ISY1: variants seen among roughly 807,000 people sequenced by gnomAD.
ISY1 encodes the protein ISY1 spliceosome associated protein.
Under a neutral mutation model 54.4 loss-of-function variants are expected in ISY1, and 12 were observed. The ratio of observed to expected loss-of-function variants is 0.22; its 90% CI spans 0.14 to 0.36. ISY1 has a LOEUF of 0.36. Ranked by LOEUF, ISY1 falls within the 10% of genes least tolerant of loss-of-function variation. The pLI, the probability that ISY1 is intolerant of heterozygous loss-of-function variation, is 1.00. For synonymous variants in ISY1, 96 were observed against 117.9 expected, an observed-to-expected ratio of 0.81 and a Z score of 1.20; for missense variants, 282 against 342.2, an observed-to-expected ratio of 0.82 and a Z score of 1.39.
chr3:129,158,224 G>A (rs777608272), intron 3 of ISY1, among the ~76,000 whole-genome samples: 72 of 149,852 alleles, frequency 4.8e-4, no homozygotes, highest in Non-Finnish European at 9.3e-4. Flanking sequence ...CATGATCATG[G>A]CTCCCTGCAG....
Position 129,145,770 on chromosome 3 carries a change from A to G in ISY1, c.291T>C (p.Pro97=). The G allele has an allele frequency of 6.2e-7, 1 of 1,614,086 alleles. No homozygotes were observed. Among genetic ancestry groups the G allele is most frequent in the Non-Finnish European group, 8.5e-7 (1 of 1,179,964 alleles). Residue 97 remains proline, a synonymous_variant, in exon 6 of 11, where the codon CCT becomes CCC. Transcript: ENST00000393295. Reference sequence around the variant, plus strand: ...GCTGCCATGTACTCACTCCATAATCAGGACCTCCCAGCTCCTTTATCCGGA... The same window carrying G: ...GCTGCCATGTACTCACTCCATAATCGGGACCTCCCAGCTCCTTTATCCGGA... ...WEVRIKELGG[P]DYGKVGPKML...
intron 5 of ISY1, among the ~76,000 whole-genome samples, chr3:129,148,890 T>C (rs1936851142): frequency 6.6e-6 from 1 of 152,214 alleles, no homozygotes; most frequent in South Asian, 2.1e-4. Flanking sequence ...TTTGGTAAAG[T>C]ATCTGTTCAA....
At chr3:129,141,485 T>C (rs908329445) in intron 6 of ISY1, among the ~76,000 whole-genome samples, 1 of 150,774 alleles carries the variant, frequency 6.6e-6, no homozygotes, top group South Asian at 2.1e-4. Flanking sequence ...CCGGGCGCAG[T>C]GGCTCACGCC....
chr3:129,146,485 T>C (rs1397795172), intron 5 of ISY1, among the ~76,000 whole-genome samples: 1 of 152,070 alleles, frequency 6.6e-6, no homozygotes, highest in Non-Finnish European at 1.5e-5. Flanking sequence ...ATATAACTTT[T>C]GAAAGGGACA....
intron 9 of ISY1, among the ~76,000 whole-genome samples, chr3:129,131,682 T>C (rs959832158): frequency 6.6e-6 from 1 of 152,200 alleles, no homozygotes; most frequent in Non-Finnish European, 1.5e-5. Context: ...GGCAAGGGCA[T>C]CATGTTAAGT....
At chr3:129,135,229 C>T (rs1936356125) in intron 7 of ISY1, among the ~76,000 whole-genome samples, 1 of 151,996 alleles carries the variant, frequency 6.6e-6, no homozygotes, top group African/African-American at 2.4e-5. Context: ...CACCTGTAAT[C>T]CCAGCTACTC....
intron 5 of ISY1, among the ~76,000 whole-genome samples, chr3:129,153,974 G>A (rs907363983): frequency 6.6e-6 from 1 of 151,978 alleles, no homozygotes; most frequent in Non-Finnish European, 1.5e-5. Context: ...TGGGCGCCAT[G>A]GCTCACGCCT....
At chr3:129,151,126 A>AAATATATATATATATAAAAATATAT (rs1936954481) in intron 5 of ISY1, among the ~76,000 whole-genome samples, 1 of 148,090 alleles carries the variant, frequency 6.8e-6, no homozygotes. Flanking sequence ...TGTCTCAAAA[A>AAATATATATATATATAAAAATATAT]AAAATATATA....
rs578131844 is a variant in ISY1, at chr3:129,160,467, T to G, written c.3+506A>C. ...GAACACTTTCTGTCTATGCCATTCATTTATTCAATAGTTATTGAACATCTG... is the reference window on the plus strand; with the variant it reads ...GAACACTTTCTGTCTATGCCATTCAGTTATTCAATAGTTATTGAACATCTG... On this transcript the variant is annotated intron_variant, in intron 1 of 10. Coordinates refer to ENST00000393295, the MANE Select transcript of ISY1 (RefSeq NM_020701.4). Among the ~76,000 whole-genome samples, 16 of 151,982 alleles carry G rather than the reference T, an allele frequency of 1.1e-4. 1 individual carries two copies. The South Asian group carries it at 3.3e-3, about 32-fold the overall frequency.
At chr3:129,135,174 T>C (rs1315133086) in intron 7 of ISY1, among the ~76,000 whole-genome samples, 2 of 151,874 alleles carry the variant, frequency 1.3e-5, no homozygotes, top group African/African-American at 2.4e-5. Flanking sequence ...TGGTGAAACC[T>C]CGTCTCTACT....
intron 3 of ISY1, 150 bp from the exon 4 acceptor site, chr3:129,157,070 C>T: frequency 1.2e-6 from 1 of 823,864 alleles, no homozygotes; most frequent in Non-Finnish European, 1.9e-6. Context: ...AGCCTTAAAC[C>T]TCATTCTACA....
At chr3:129,142,279 G>A (rs549877261) in intron 6 of ISY1, among the ~76,000 whole-genome samples, 18 of 151,858 alleles carry the variant, frequency 1.2e-4, no homozygotes, top group Non-Finnish European at 2.4e-4. Context: ...CTGTACTGCA[G>A]GGGAAATGCT....
Position 129,145,784 on chromosome 3 carries a change from C to A in ISY1, c.277G>T (p.Glu93Ter). The change falls in exon 6 of 11, where the codon GAG (glutamate) becomes TAG (stop). Residue 93 changes from glutamate (E) to a stop codon, truncating the protein, a stop_gained. Transcript: ENST00000393295. LOFTEE classifies it high-confidence loss of function. ...ACTCCATAATCAGGACCTCCCAGCT[C>A]CTTTATCCGGACCTCCCAGTGTCCT... Reference protein sequence around the residue: ...EKGHWEVRIKELGGPDYGKVG... With the variant: ...EKGHWEVRIK 1 of 1,614,162 alleles carries A rather than the reference C, an allele frequency of 6.2e-7. No homozygotes were observed. The highest frequency in any genetic ancestry group is 8.5e-7 in the Non-Finnish European group (1 of 1,180,022).
chr3:129,136,214 G>C (rs959053182), intron 7 of ISY1, among the ~76,000 whole-genome samples: 4 of 151,520 alleles, frequency 2.6e-5, no homozygotes, highest in Admixed American at 6.6e-5. Context: ...CGATTCTCCT[G>C]CCTCAGCCTC....
chr3:129,140,302 C>A, intron 7 of ISY1, 66 bp downstream of exon 7: 1 of 1,385,406 alleles, frequency 7.2e-7, no homozygotes, highest in Admixed American at 2.2e-5. Flanking sequence ...GAGCAGTTAG[C>A]ATATAGCATA....
At chr3:129,156,814 A>G (rs1937156251) in intron 4 of ISY1, 41 bp downstream of exon 4, 2 of 1,597,850 alleles carry the variant, frequency 1.3e-6, no homozygotes, top group Middle Eastern at 1.7e-4. Context: ...GAAATGAGAG[A>G]CTTGTTACTT....
intron 7 of ISY1, among the ~76,000 whole-genome samples, 195 bp from the exon 8 acceptor site, chr3:129,135,149 C>T (rs1464599060): frequency 2.0e-5 from 3 of 152,114 alleles, no homozygotes. Context: ...GAGTTCGAGA[C>T]CAGCCTGACC....
intron 7 of ISY1, among the ~76,000 whole-genome samples, chr3:129,139,949 T>C (rs1449198617): frequency 1.3e-5 from 2 of 152,140 alleles, no homozygotes; most frequent in East Asian, 3.8e-4. Context: ...GCCTCACTTT[T>C]CTCCATTTTT....
At position 129,133,072 on chromosome 3, in the gene ISY1, G is replaced by C. The variant is rs772757770; in HGVS notation, c.663+1002C>G. 3.9e-5 allele frequency among the ~76,000 whole-genome samples: 6 copies of C among 152,060 alleles called. No individual in the cohort carries two copies. The South Asian group carries it at 6.2e-4, about 16-fold the overall frequency. On this transcript the variant is annotated intron_variant, in intron 9 of 10. Transcript: ENST00000393295. ...GCAGGCAGCAAGGACTCCAAATATA[G>C]GGCCCCGCAGAAGAGCTCTGCCTGG... is the stretch of plus-strand genomic sequence containing the variant.
Sources: allele counts gnomAD v4.1 joint callset (sites outside exome capture counted in the v4.1 genomes callset), GRCh38; gene constraint gnomAD v4.1.1; transcripts MANE v1.5; gene names NCBI Gene and HGNC (gene_info 2026-07-23, HGNC 2026-07-21).